The following TXNRD1 variants were observed in gnomAD, a reference collection of about 807,000 sequenced individuals.
TXNRD1 encodes the protein thioredoxin reductase 1.
TXNRD1 carries 57 observed loss-of-function variants against 80.3 expected under a neutral mutation model. The observed-to-expected ratio is 0.71, with a 90% CI of 0.57 to 0.89. TXNRD1 has a LOEUF of 0.89. Among genes scored for constraint, TXNRD1 ranks in the 40% least tolerant of loss-of-function variants. The pLI is 0.00. For synonymous variants in TXNRD1, 291 were observed against 285.2 expected, an observed-to-expected ratio of 1.02 and a Z score of -0.20; for missense variants, 730 against 803.0, an observed-to-expected ratio of 0.91 and a Z score of 1.10.
chr12:104,319,154 C>T, intron 8 of TXNRD1, 99 bp downstream of exon 8: 3 of 1,333,624 alleles, frequency 2.2e-6, no homozygotes, highest in Non-Finnish European at 3.0e-6. Context: ...AAAGTAATAG[C>T]CACTGTGACC....
intron 2 of TXNRD1, among the ~76,000 whole-genome samples, chr12:104,257,343 T>C (rs1044236889): frequency 5.3e-5 from 8 of 151,194 alleles, no homozygotes; most frequent in African/African-American, 1.7e-4. Flanking sequence ...TTAACTATTG[T>C]AGAATATATT....
intron 1 of TXNRD1, among the ~76,000 whole-genome samples, chr12:104,248,744 T>G (rs780762464): frequency 6.6e-6 from 1 of 152,188 alleles, no homozygotes; most frequent in Non-Finnish European, 1.5e-5. Flanking sequence ...TATAGATTGG[T>G]CTGGTATACT....
At chr12:104,250,041 T>C (rs2033085339) in intron 1 of TXNRD1, among the ~76,000 whole-genome samples, 1 of 151,940 alleles carries the variant, frequency 6.6e-6, no homozygotes, top group Admixed American at 6.6e-5. Context: ...ATTAACACCA[T>C]TTAAATATCA....
At position 104,229,012 on chromosome 12, in the gene TXNRD1, C is replaced by G. The variant is rs553912077; in HGVS notation, c.91+13119C>G. On this transcript the variant is annotated intron_variant, in intron 1 of 16. Coordinates refer to ENST00000525566, the MANE Select transcript of TXNRD1 (RefSeq NM_001093771.3). ...GGGATTACAGGCGTGAGCCACCGTG[C>G]CCAGCCTAGAACATTTTCATTACTC... Among the ~76,000 whole-genome samples, 460 of 152,186 alleles carry G rather than the reference C, an allele frequency of 3.0e-3. 2 individuals carry two copies. The highest frequency in any genetic ancestry group is 6.8e-3 in the Middle Eastern group (2 of 294).
intron 1 of TXNRD1, among the ~76,000 whole-genome samples, chr12:104,224,383 G>T (rs1377759140): frequency 6.6e-6 from 1 of 151,800 alleles, no homozygotes; most frequent in South Asian, 2.1e-4. Context: ...AGGATGTCTT[G>T]TTTATTTTTT....
intron 1 of TXNRD1, among the ~76,000 whole-genome samples, chr12:104,242,246 G>A (rs1249583644): frequency 6.7e-6 from 1 of 149,302 alleles, no homozygotes; most frequent in Non-Finnish European, 1.5e-5. Flanking sequence ...GCCTACTAAT[G>A]ATTTTTTAAA....
chr12:104,286,846 G>C (rs2135740330), intron 3 of TXNRD1: 1 of 1,077,762 alleles, frequency 9.3e-7, no homozygotes, highest in Admixed American at 4.9e-5. Flanking sequence ...AGCAGGCAGA[G>C]GATGTGGTGT....
chr12:104,287,218 T>G, intron 3 of TXNRD1: 1 of 1,610,078 alleles, frequency 6.2e-7, no homozygotes, highest in Non-Finnish European at 8.5e-7. Context: ...GGTGCAGCAG[T>G]GTGCGTCTCG....
chr12:104,344,744 A>G (rs1465471312), intron 16 of TXNRD1, among the ~76,000 whole-genome samples: 1 of 152,142 alleles, frequency 6.6e-6, no homozygotes, highest in African/African-American at 2.4e-5. Flanking sequence ...AACCCTTACC[A>G]GCCTCTAGTA....
At chr12:104,260,770 A>C (rs7310505) in intron 3 of TXNRD1, among the ~76,000 whole-genome samples, 111,918 of 152,028 alleles carry the variant, frequency 0.74, 41,330 homozygotes, top group East Asian at 0.87. Context: ...GTCACTTGCA[A>C]CTTGCTGTGA....
chr12:104,250,704 A>G (rs1356812887), intron 1 of TXNRD1, among the ~76,000 whole-genome samples: 1 of 152,234 alleles, frequency 6.6e-6, no homozygotes, highest in African/African-American at 2.4e-5. Flanking sequence ...TATGAAGATG[A>G]TAAGGAGATT....
intron 3 of TXNRD1, chr12:104,288,703 G>A (rs1043113571): frequency 1.7e-4 from 232 of 1,384,148 alleles, no homozygotes; most frequent in Middle Eastern, 2.0e-4. Flanking sequence ...TAGCCTTGAG[G>A]CCATGTTTTC....
At chr12:104,330,067 T>C (rs1462393005) in intron 13 of TXNRD1, among the ~76,000 whole-genome samples, 1 of 152,270 alleles carries the variant, frequency 6.6e-6, no homozygotes, top group East Asian at 1.9e-4. Context: ...CACTGTGGTA[T>C]AAGTGGTTGT....
chr12:104,249,208 ACCTTCTTGCTGTGT>A (rs2135701992), intron 1 of TXNRD1, among the ~76,000 whole-genome samples: 1 of 152,314 alleles, frequency 6.6e-6, no homozygotes, highest in East Asian at 1.9e-4. Flanking sequence ...CTCAGTAGGT[ACCTTCTTGCTGTGT>A]CCTCACATGG....
At chr12:104,303,807 T>TA in intron 4 of TXNRD1, 12 of 1,383,068 alleles carry the variant, frequency 8.7e-6, no homozygotes, top group Non-Finnish European at 1.1e-5. Flanking sequence ...ACCTCAGAGA[T>TA]ACCCGTGGCC....
chr12:104,215,904 G>C lies in TXNRD1; in HGVS notation c.91+11G>C, dbSNP rs775515687. ...GCCGCCGTAGGTCAGGTACGACCGA[G>C]GGCGAAGGCCTGGTCCCCAGGTCGA... On this transcript the variant is annotated intron_variant, in intron 1 of 16. Transcript: ENST00000525566. 2.6e-6 allele frequency: 4 copies of C among 1,549,646 alleles called. No individual in the cohort carries two copies. The South Asian group carries it at 3.6e-5, about 14-fold the overall frequency.
chr12:104,311,842 G>A (rs1454091610), intron 5 of TXNRD1, among the ~76,000 whole-genome samples: 1 of 152,052 alleles, frequency 6.6e-6, no homozygotes, highest in East Asian at 1.9e-4. Context: ...TTAGCCAGGC[G>A]TGGTGGTGGG....
chr12:104,304,155 A>G (rs763899885), intron 4 of TXNRD1: 95 of 1,613,966 alleles, frequency 5.9e-5, no homozygotes, highest in Non-Finnish European at 6.7e-5. Flanking sequence ...GAGGAAGCCA[A>G]CGTCCTCTTT....
intron 1 of TXNRD1, 22 bp downstream of exon 1, chr12:104,215,915 T>C: frequency 6.5e-7 from 1 of 1,541,490 alleles, no homozygotes; most frequent in Non-Finnish European, 8.8e-7. Flanking sequence ...GGCGAAGGCC[T>C]GGTCCCCAGG....
Sources: allele counts gnomAD v4.1 joint callset (sites outside exome capture counted in the v4.1 genomes callset), GRCh38; gene constraint gnomAD v4.1.1; transcripts MANE v1.5; gene names NCBI Gene and HGNC (gene_info 2026-07-23, HGNC 2026-07-21).